Variants in ERBIN observed in about 807,000 individuals in gnomAD.
ERBIN encodes densin-180-like protein.
In ERBIN, 60 loss-of-function variants were observed where a neutral mutation model predicts 158.4. The observed-to-expected ratio is 0.38, with a 90% CI of 0.31 to 0.47. ERBIN has a LOEUF of 0.47. Ranked by LOEUF, ERBIN falls within the 20% of genes least tolerant of loss-of-function variation. The pLI is 0.99. For synonymous variants in ERBIN, 594 were observed against 557.2 expected, an observed-to-expected ratio of 1.07 and a Z score of -0.93; for missense variants, 1,610 against 1,648.0, an observed-to-expected ratio of 0.98 and a Z score of 0.40.
At chr5:66,051,108 C>A in intron 20 of ERBIN, 142 bp downstream of exon 20, 1 of 528,172 alleles carries the variant, frequency 1.9e-6, no homozygotes, top group South Asian at 3.3e-5. Flanking sequence ...ATTTTTATTG[C>A]TGATTTTCCA....
intron 4 of ERBIN, among the ~76,000 whole-genome samples, chr5:65,996,801 T>G (rs1752489908): frequency 1.3e-5 from 2 of 152,210 alleles, no homozygotes; most frequent in South Asian, 4.1e-4. Context: ...TCAATTTTTT[T>G]CATCAAATGT....
chr5:65,932,266 G>C (rs1743518478), intron 1 of ERBIN, among the ~76,000 whole-genome samples: 2 of 151,328 alleles, frequency 1.3e-5, no homozygotes, highest in South Asian at 4.2e-4. Context: ...CTGAACTCGG[G>C]AGGTGGAGGT....
intron 1 of ERBIN, among the ~76,000 whole-genome samples, chr5:65,931,293 G>A (rs905850770): frequency 2.6e-5 from 4 of 152,200 alleles, no homozygotes; most frequent in African/African-American, 7.2e-5. Context: ...GCGTGAGAAA[G>A]GTACGTTTAC....
At chr5:65,955,819 A>G (rs967463155) in intron 1 of ERBIN, among the ~76,000 whole-genome samples, 20 of 152,248 alleles carry the variant, frequency 1.3e-4, no homozygotes, top group Non-Finnish European at 2.4e-4. Flanking sequence ...GTCCAAAAAT[A>G]TTAAATGGAA....
In ERBIN at chr5:65,958,243, C is replaced by T. The variant is rs549050450; in HGVS notation, c.-57-30392C>T. 6.3e-3 allele frequency among the ~76,000 whole-genome samples: 962 copies of T among 151,918 alleles called. 16 individuals are homozygous for T. The highest frequency in any genetic ancestry group is 0.022 in the African/African-American group (921 of 41,436). ...GGCGGCCGGGCAGAGGCTGCAATCT[C>T]GGCACTTTGGGAGGCCAAGGCAGGC... On this transcript the variant is annotated intron_variant, in intron 1 of 25. Coordinates refer to ENST00000284037, the MANE Select transcript of ERBIN (RefSeq NM_001253697.2).
At chr5:66,000,112 TAAGGTATAAGGA>T (rs1040307565) in intron 4 of ERBIN, among the ~76,000 whole-genome samples, 1 of 152,190 alleles carries the variant, frequency 6.6e-6, no homozygotes, top group African/African-American at 2.4e-5. Flanking sequence ...TGGGAGTTGT[TAAGGTATAAGGA>T]AAGGGACTCA....
chr5:66,018,593 A>ATATAATATATAT lies in ERBIN; in HGVS notation c.534-2725_534-2724insATATATATTATA, dbSNP rs1755306506. Among the ~76,000 whole-genome samples, 4 of 8,658 alleles carry ATATAATATATAT rather than the reference A, an allele frequency of 4.6e-4. 2 individuals carry two copies. The highest frequency in any genetic ancestry group is 1.7e-3 in the African/African-American group (4 of 2,306). 5.7% of individuals were successfully genotyped at this position (8,658 alleles called of 152,430 possible). ...TATATTATATAATATATATTATATA[A>ATATAATATATAT]TATATATTATATATACATACACACA... On this transcript the variant is annotated intron_variant, in intron 7 of 25. Transcript: ENST00000284037.
intron 4 of ERBIN, among the ~76,000 whole-genome samples, chr5:66,008,287 C>T (rs183486256): frequency 3.3e-5 from 5 of 152,022 alleles, no homozygotes; most frequent in Admixed American, 2.0e-4. Context: ...GGCGTGGTGG[C>T]GGGCGCCTAT....
intron 21 of ERBIN, 162 bp downstream of exon 21, chr5:66,055,113 A>G: frequency 7.2e-7 from 1 of 1,396,232 alleles, no homozygotes; most frequent in Non-Finnish European, 9.3e-7. Context: ...AGCCAGGACA[A>G]TTGGGATGAT....
At chr5:66,025,006 C>A (rs990632498) in intron 10 of ERBIN, among the ~76,000 whole-genome samples, 2 of 152,030 alleles carry the variant, frequency 1.3e-5, no homozygotes, top group Admixed American at 6.6e-5. Flanking sequence ...AAGTTTGTTA[C>A]GATTCTACTC....
rs1379726817 is a variant in ERBIN at position 65,936,322 on chromosome 5, C to CT, written c.-58+9519dup. ...TTGGAAGTGATTTAAGAGGCATATCCTTTGAGACTAGAATAAATCTCTCAG... is the reference window on the plus strand; with the variant it reads ...TTGGAAGTGATTTAAGAGGCATATCCTTTTGAGACTAGAATAAATCTCTCAG... On this transcript the variant is annotated intron_variant, in intron 1 of 25. Transcript: ENST00000284037. 2.0e-5 allele frequency among the ~76,000 whole-genome samples: 3 copies of CT among 152,246 alleles called. No homozygotes were observed. In the East Asian group the frequency reaches 5.8e-4, roughly 29 times the overall value.
intron 1 of ERBIN, among the ~76,000 whole-genome samples, chr5:65,927,895 C>T (rs902716520): frequency 1.3e-5 from 2 of 152,066 alleles, no homozygotes; most frequent in African/African-American, 2.4e-5. Flanking sequence ...TAGTCTTTTT[C>T]TGTTTACTTT....
chr5:66,078,254 C>T (rs910350052), intron 25 of ERBIN, among the ~76,000 whole-genome samples, 169 bp from the exon 26 acceptor site: 1 of 152,086 alleles, frequency 6.6e-6, no homozygotes. Context: ...ATTTTTAGAC[C>T]CCATCTTCAG....
chr5:66,077,791 C>CACAT (rs1359235395), intron 25 of ERBIN, among the ~76,000 whole-genome samples: 54 of 131,136 alleles, frequency 4.1e-4, no homozygotes, highest in Non-Finnish European at 3.4e-5. Flanking sequence ...CACACACACA[C>CACAT]ACATACACAC....
At chr5:65,986,168 C>T (rs896582024) in intron 1 of ERBIN, among the ~76,000 whole-genome samples, 1 of 152,222 alleles carries the variant, frequency 6.6e-6, no homozygotes, top group African/African-American at 2.4e-5. Context: ...AGATTTATAT[C>T]CACAGCTTGG....
chr5:65,994,509 T>G (rs1474851606), intron 3 of ERBIN, among the ~76,000 whole-genome samples: 2 of 152,188 alleles, frequency 1.3e-5, no homozygotes, highest in African/African-American at 4.8e-5. Flanking sequence ...GATATAGCCA[T>G]ATACTTATTC....
chr5:65,985,928 A>C (rs1037335890), intron 1 of ERBIN, among the ~76,000 whole-genome samples: 4 of 151,914 alleles, frequency 2.6e-5, no homozygotes, highest in African/African-American at 9.7e-5. Context: ...TTCCTCCTTG[A>C]AACTTTTTTT....
chr5:65,971,366 T>TAGAA (rs953387024), intron 1 of ERBIN, among the ~76,000 whole-genome samples: 4 of 152,008 alleles, frequency 2.6e-5, no homozygotes, highest in African/African-American at 9.7e-5. Context: ...TGAGCGTGGG[T>TAGAA]AGAAAGATAG....
At chr5:66,066,531 A>AT (rs1561450859) in intron 21 of ERBIN, among the ~76,000 whole-genome samples, 1,959 of 143,874 alleles carry the variant, frequency 0.014, 46 homozygotes, top group African/African-American at 0.055. Context: ...ATAAAAAAAA[A>AT]AAAACAAAAA....
Sources: gnomAD v4.1 joint callset for allele counts (sites outside exome capture counted in the v4.1 genomes callset) on GRCh38, gnomAD v4.1.1 for gene constraint, MANE v1.5 for transcripts, NCBI Gene and HGNC (gene_info 2026-07-23, HGNC 2026-07-21) for gene names.